Variants in NCKAP1 observed in about 807,000 individuals in gnomAD.
NCKAP1 encodes nck-associated protein 1.
NCKAP1 carries 21 observed loss-of-function variants against 151.2 expected under a neutral mutation model. The observed-to-expected ratio is 0.14, with a 90% CI of 0.10 to 0.20. The LOEUF is 0.20. NCKAP1 is among the 10% of genes least tolerant of loss of function. NCKAP1 has a pLI of 1.00. For missense variants in NCKAP1, 933 were observed against 1,352.1 expected, an observed-to-expected ratio of 0.69 and a Z score of 4.86; for synonymous variants, 484 against 451.8, an observed-to-expected ratio of 1.07 and a Z score of -0.90.
chr2:182,986,363 A>C, intron 9 of NCKAP1, 136 bp from the exon 10 acceptor site: 1 of 680,514 alleles, frequency 1.5e-6, no homozygotes. Context: ...AGTGCATGGA[A>C]GAATCTACCC....
At chr2:182,953,491 G>C (rs1332211841) in intron 20 of NCKAP1, among the ~76,000 whole-genome samples, 160 bp from the exon 21 acceptor site, 1 of 152,080 alleles carries the variant, frequency 6.6e-6, no homozygotes, top group Non-Finnish European at 1.5e-5. Flanking sequence ...TATCTTCCCA[G>C]GAAACAGCGT....
rs1007079288 is a variant in NCKAP1 at position 182,935,048 on chromosome 2, A to G, written c.2779-216T>C. ...GTATAGTCAAAATTGAAAATACTCT[A>G]CTGATAATGAAGATCACTGAAAAAG... On this transcript the variant is annotated intron_variant, in intron 25 of 30. Coordinates refer to ENST00000361354, the MANE Select transcript of NCKAP1 (RefSeq NM_013436.5). Among the ~76,000 whole-genome samples the G allele has an allele frequency of 3.9e-5, 6 of 152,276 alleles. No individual in the cohort carries two copies. The East Asian group carries it at 1.2e-3, about 29-fold the overall frequency.
chr2:182,976,753 C>CA (rs1575042437), intron 15 of NCKAP1, 140 bp downstream of exon 15: 3 of 421,308 alleles, frequency 7.1e-6, no homozygotes, highest in African/African-American at 6.2e-5. Context: ...ATAATTAGTA[C>CA]AAAATGTTTC....
Position 182,925,141 on chromosome 2 carries a change from G to A in NCKAP1, c.*561C>T, listed in dbSNP as rs1696615915. 6.6e-6 allele frequency: 1 copy of A among 152,096 alleles called. No individual in the cohort carries two copies. Among genetic ancestry groups the A allele is most frequent in the South Asian group, 2.1e-4 (1 of 4,830 alleles). The allele number at this position is 152,096 out of a possible 1,614,324, so 9.4% of individuals were successfully genotyped here. ...TGCTGCTCTTAGAATTTTGGGAAAT[G>A]ATCTGCTTCTAATACTAAGCAGTTC... On this transcript the variant is annotated 3_prime_UTR_variant, in exon 31 of 31. Transcript: ENST00000361354.
intron 13 of NCKAP1, 110 bp downstream of exon 13, chr2:182,981,134 T>G: frequency 7.4e-7 from 1 of 1,343,408 alleles, no homozygotes. Context: ...TAAACATGAT[T>G]TATCACTTGG....
rs367677358 is a variant in NCKAP1 at position 182,967,372 on chromosome 2, C to CA, written c.1483-12dup. On this transcript the variant is annotated splice_polypyrimidine_tract_variant and intron_variant, in intron 15 of 30. Transcript: ENST00000361354. ...GACACTAGTATATGCCTATAAAGTA[C>CA]AAAAAAAAAAAAGTAGTTCAGGTAA... is the stretch of plus-strand genomic sequence containing the variant. The CA allele has an allele frequency of 0.17, 206,322 of 1,218,064 alleles. 1,767 individuals carry two copies. Among genetic ancestry groups the CA allele is most frequent in the Non-Finnish European group, 0.19 (170,911 of 902,436 alleles). 75.5% of individuals were successfully genotyped at this position (1,218,064 alleles called of 1,614,324 possible). A position where few individuals can be genotyped will look rare whatever the true frequency, so the allele number is the denominator to read the frequency against.
rs1465821134 is a variant in NCKAP1 at position 182,921,546 on chromosome 2, A to G, written c.*4156T>C. On this transcript the variant is annotated 3_prime_UTR_variant, in exon 31 of 31. Coordinates refer to ENST00000361354, the MANE Select transcript of NCKAP1 (RefSeq NM_013436.5). The stretch of plus-strand genomic sequence containing the variant: ...GTGACCAAGATGCACCTGCACCAAG[A>G]GCACCAAGAGGATTGTCTCAATCCT... The G allele has an allele frequency of 6.6e-6, 1 of 152,236 alleles. No individual in the cohort carries two copies. The highest frequency in any genetic ancestry group is 1.9e-4 in the East Asian group (1 of 5,200). The allele number at this position is 152,236 out of a possible 1,614,324, so 9.4% of individuals were successfully genotyped here. A position where few individuals can be genotyped will look rare whatever the true frequency, so the allele number is the denominator to read the frequency against.
At chr2:182,928,996 T>C (rs1696704912) in intron 27 of NCKAP1, 97 bp from the exon 28 acceptor site, 1 of 769,690 alleles carries the variant, frequency 1.3e-6, no homozygotes. Context: ...TTAAAAATGG[T>C]TTACTTTTTT....
intron 2 of NCKAP1, among the ~76,000 whole-genome samples, chr2:183,007,949 G>T (rs545431311): frequency 2.0e-5 from 3 of 151,620 alleles, no homozygotes; most frequent in African/African-American, 2.4e-5. Flanking sequence ...TTTTTGAGAC[G>T]GAGTTTGGCT....
At chr2:182,946,764 G>GA (rs1365820387) in intron 23 of NCKAP1, among the ~76,000 whole-genome samples, 1 of 141,332 alleles carries the variant, frequency 7.1e-6, no homozygotes, top group Non-Finnish European at 1.5e-5. Flanking sequence ...GGAAACAGCA[G>GA]AAAAAACAAG....
At position 183,023,828 on chromosome 2, in the gene NCKAP1, G is replaced by C; in HGVS notation, c.197C>G (p.Ala66Gly). The C allele has an allele frequency of 6.2e-7, 1 of 1,612,214 alleles. No individual in the cohort carries two copies. Among genetic ancestry groups the C allele is most frequent in the Non-Finnish European group, 8.5e-7 (1 of 1,178,570 alleles). Residue 66 changes from alanine to glycine, a missense_variant, in exon 2 of 31, where the codon GCT (alanine) becomes GGT (glycine). Physicochemically the swap from Ala to Gly is moderately conservative, Grantham distance 60. This residue lies in a region of NCKAP1 where 607 missense variants were observed against 795.0 expected (regional missense o/e 0.76). Coordinates refer to ENST00000361354, the MANE Select transcript of NCKAP1 (RefSeq NM_013436.5). ...AVKFIVRKFP[A>G]VETRNNNQQL... The stretch of plus-strand genomic sequence containing the variant: ...TACATTGTTGTTGCGGGTTTCTACA[G>C]CAGGGAATTTTCTGACTATGAATTT...
intron 8 of NCKAP1, among the ~76,000 whole-genome samples, chr2:182,989,905 G>A (rs1191664090): frequency 1.3e-5 from 2 of 151,848 alleles, no homozygotes; most frequent in Non-Finnish European, 2.9e-5. Context: ...CAGGAAAGTC[G>A]CTTGAACCCG....
chr2:182,930,736 A>C lies in NCKAP1; in HGVS notation c.2912T>G (p.Ile971Ser), dbSNP rs764269761. 1 of 1,613,524 alleles carries C rather than the reference A, an allele frequency of 6.2e-7. No homozygotes were observed. The highest frequency in any genetic ancestry group is 8.5e-7 in the Non-Finnish European group (1 of 1,179,498). The change falls in exon 27 of 31, where the codon ATT becomes AGT. Residue 971 changes from isoleucine to serine, a missense_variant. Ile to Ser is a moderately radical substitution (Grantham distance 142, BLOSUM62 -2). Transcript: ENST00000361354. The part of the protein sequence containing the change: ...LSSAAGLPCE[I>S]DPALVVALSS... ...AAGAGCTACGACCAATGCAGGATCAATCTCACAAGGTAATCCGGCAGCTGA... is the reference window on the plus strand; with the variant it reads ...AAGAGCTACGACCAATGCAGGATCACTCTCACAAGGTAATCCGGCAGCTGA...
At chr2:182,963,861 C>G (rs1304046172) in intron 17 of NCKAP1, among the ~76,000 whole-genome samples, 1 of 151,886 alleles carries the variant, frequency 6.6e-6, no homozygotes, top group African/African-American at 2.4e-5. Context: ...AAAGTATTCC[C>G]TAATAAACTT....
At chr2:183,020,382 T>A (rs911460463) in intron 2 of NCKAP1, among the ~76,000 whole-genome samples, 1 of 149,850 alleles carries the variant, frequency 6.7e-6, no homozygotes, top group Non-Finnish European at 1.5e-5. Context: ...GAAGGATTGA[T>A]TGAGACCAGG....
intron 18 of NCKAP1, among the ~76,000 whole-genome samples, chr2:182,961,085 G>C (rs1325913443): frequency 6.6e-6 from 1 of 152,150 alleles, no homozygotes; most frequent in African/African-American, 2.4e-5. Flanking sequence ...GAAAGCAACA[G>C]GTGCTGGAGA....
intron 1 of NCKAP1, among the ~76,000 whole-genome samples, chr2:183,027,016 A>G (rs1698910915): frequency 6.6e-6 from 1 of 152,144 alleles, no homozygotes; most frequent in African/African-American, 2.4e-5. Context: ...TCAATCAAAT[A>G]TTTCCTTTAT....
chr2:182,953,464 T>C, intron 20 of NCKAP1, 133 bp from the exon 21 acceptor site: 1 of 628,450 alleles, frequency 1.6e-6, no homozygotes, highest in Non-Finnish European at 2.6e-6. Context: ...ATTACAAAGC[T>C]GTAAAATTAC....
chr2:182,935,132 G>C, intron 25 of NCKAP1, 161 bp downstream of exon 25: 1 of 617,340 alleles, frequency 1.6e-6, no homozygotes, highest in Non-Finnish European at 2.7e-6. Flanking sequence ...CAAAAAATGA[G>C]CTTAAATAAC....
Sources: gnomAD v4.1 joint callset for allele counts (sites outside exome capture counted in the v4.1 genomes callset) on GRCh38, gnomAD v4.1.1 for gene constraint, gnomAD v4.1.1 regional missense constraint, MANE v1.5 for transcripts, NCBI Gene and HGNC (gene_info 2026-07-23, HGNC 2026-07-21) for gene names.